The following HS2ST1 variants were observed in gnomAD, a reference collection of about 807,000 sequenced individuals.
HS2ST1 encodes the protein heparan sulfate 2-O-sulfotransferase 1.
HS2ST1 carries 18 observed loss-of-function variants against 42.9 expected under a neutral mutation model. The ratio of observed to expected loss-of-function variants is 0.42; its 90% CI spans 0.29 to 0.62. The LOEUF is 0.62. Ranked by LOEUF, HS2ST1 falls within the 20% of genes least tolerant of loss-of-function variation. The pLI is 0.21. For missense variants in HS2ST1, 334 were observed against 433.8 expected, an observed-to-expected ratio of 0.77 and a Z score of 2.04; for synonymous variants, 146 against 152.9, an observed-to-expected ratio of 0.95 and a Z score of 0.33.
chr1:86,915,147 C>T lies in HS2ST1; in HGVS notation c.111C>T (p.Ser37=), dbSNP rs1297776971. The part of the protein sequence containing the change: ...LENQIQKLEE[S]RSKLERAIAR... ...ACCAGATCCAGAAACTGGAGGAGTCCCGCTCGAAGCTAGGTGAGGAACTGA... is the reference window on the plus strand; with the variant it reads ...ACCAGATCCAGAAACTGGAGGAGTCTCGCTCGAAGCTAGGTGAGGAACTGA... Residue 37 remains serine, a synonymous_variant, in exon 1 of 7, where the codon TCC becomes TCT. Transcript: ENST00000370550. 1.9e-6 allele frequency: 3 copies of T among 1,613,542 alleles called. No homozygotes were observed. Among genetic ancestry groups the T allele is most frequent in the African/African-American group, 1.3e-5 (1 of 74,910 alleles).
intron 1 of HS2ST1, among the ~76,000 whole-genome samples, chr1:86,970,460 G>A (rs1216471782): frequency 6.6e-6 from 1 of 152,084 alleles, no homozygotes; most frequent in Non-Finnish European, 1.5e-5. Flanking sequence ...GAGTGCAGTG[G>A]CATGATCTCA....
Position 86,975,279 on chromosome 1 carries a change from CT to C in HS2ST1, c.124+60132del, listed in dbSNP as rs74502539. ...CAGTGTTTTAAAATTATAGCTTTTT[CT>C]TTTTTTTTTTTTAAGCTTTTCCTAT... On this transcript the variant is annotated intron_variant, in intron 1 of 6. Transcript: ENST00000370550. Among the ~76,000 whole-genome samples the C allele has an allele frequency of 4.0e-3, 561 of 138,710 alleles. 1 individual carries two copies. Among genetic ancestry groups the C allele is most frequent in the Non-Finnish European group, 4.7e-3 (296 of 63,070 alleles). The allele number at this position is 138,710 out of a possible 152,430, so 91.0% of individuals were successfully genotyped here.
chr1:87,084,157 T>G (rs1312449579), intron 2 of HS2ST1, 37 bp from the exon 3 acceptor site: 1 of 1,290,240 alleles, frequency 7.8e-7, no homozygotes, highest in East Asian at 2.5e-5. Flanking sequence ...TTCATTTTCT[T>G]TAAATTGTAT....
At chr1:86,962,006 G>A (rs1485245888) in intron 1 of HS2ST1, among the ~76,000 whole-genome samples, 3 of 151,888 alleles carry the variant, frequency 2.0e-5, no homozygotes, top group African/African-American at 7.3e-5. Context: ...ATCACTGATG[G>A]ACATCTGGTT....
Position 86,964,520 on chromosome 1 carries a change from C to T in HS2ST1, c.124+49360C>T, listed in dbSNP as rs926290454. Reference sequence around the variant, plus strand: ...AGGCGTGGCGGCACGCGCCTGCAATCGCAGGCACTGGGCAGGCTGAGGCAG... The same window carrying T: ...AGGCGTGGCGGCACGCGCCTGCAATTGCAGGCACTGGGCAGGCTGAGGCAG... On this transcript the variant is annotated intron_variant, in intron 1 of 6. Transcript: ENST00000370550. Among the ~76,000 whole-genome samples, 12 of 152,304 alleles carry T rather than the reference C, an allele frequency of 7.9e-5. No individual in the cohort carries two copies. In the East Asian group the frequency reaches 1.2e-3, roughly 15 times the overall value.
intron 1 of HS2ST1, among the ~76,000 whole-genome samples, chr1:86,943,960 A>T (rs1049705655): frequency 1.3e-5 from 2 of 151,834 alleles, no homozygotes; most frequent in African/African-American, 4.8e-5. Context: ...CAGGAGGTGG[A>T]GGTTTGCAGT....
At chr1:86,956,792 T>C (rs1647690163) in intron 1 of HS2ST1, among the ~76,000 whole-genome samples, 2 of 152,202 alleles carry the variant, frequency 1.3e-5, no homozygotes, top group African/African-American at 2.4e-5. Flanking sequence ...TAACTTACCC[T>C]GCATTTAGAG....
At chr1:87,073,980 A>T (rs1237494183) in intron 2 of HS2ST1, among the ~76,000 whole-genome samples, 1 of 152,214 alleles carries the variant, frequency 6.6e-6, no homozygotes, top group East Asian at 1.9e-4. Flanking sequence ...AATGATATTT[A>T]TCTGTTTGAA....
rs981659768 is a variant in HS2ST1, at chr1:87,105,020, T to A, written c.*324T>A. ...ACAATTTCAGAAAAGGTTCTGATACTCTTGTTTTTGATAAAGCATTTTTTC... is the reference window on the plus strand; with the variant it reads ...ACAATTTCAGAAAAGGTTCTGATACACTTGTTTTTGATAAAGCATTTTTTC... On this transcript the variant is annotated 3_prime_UTR_variant, in exon 7 of 7. Transcript: ENST00000370550. 4.3e-6 allele frequency: 1 copy of A among 230,276 alleles called. No individual in the cohort carries two copies. Among genetic ancestry groups the A allele is most frequent in the African/African-American group, 2.3e-5 (1 of 43,686 alleles). The allele number at this position is 230,276 out of a possible 1,614,324, so 14.3% of individuals were successfully genotyped here. A position where few individuals can be genotyped will look rare whatever the true frequency, so the allele number is the denominator to read the frequency against.
At chr1:87,090,940 CTA>C (rs1651925301) in intron 3 of HS2ST1, among the ~76,000 whole-genome samples, 1 of 152,018 alleles carries the variant, frequency 6.6e-6, no homozygotes, top group African/African-American at 2.4e-5. Context: ...TTACATAAGA[CTA>C]GTGATGTCTT....
intron 1 of HS2ST1, among the ~76,000 whole-genome samples, chr1:87,049,114 A>G (rs1650768871): frequency 6.6e-6 from 1 of 152,024 alleles, no homozygotes; most frequent in Admixed American, 6.5e-5. Flanking sequence ...AATAGATTTA[A>G]AAGGTTATTC....
At chr1:86,958,024 C>G (rs945078977) in intron 1 of HS2ST1, among the ~76,000 whole-genome samples, 5 of 152,058 alleles carry the variant, frequency 3.3e-5, no homozygotes, top group Non-Finnish European at 7.4e-5. Flanking sequence ...AACTCCTGAC[C>G]ACGGTGATCC....
intron 1 of HS2ST1, among the ~76,000 whole-genome samples, chr1:86,970,236 T>C (rs1282836347): frequency 6.6e-6 from 1 of 152,126 alleles, no homozygotes; most frequent in African/African-American, 2.4e-5. Context: ...ATTTTACAAG[T>C]AATAATGTAT....
intron 5 of HS2ST1, among the ~76,000 whole-genome samples, chr1:87,101,164 T>TG (rs1652195007): frequency 4.2e-5 from 5 of 118,214 alleles, no homozygotes; most frequent in African/African-American, 9.8e-5. Context: ...TTGTTTTTTT[T>TG]TTTTTTTTTT....
chr1:87,100,073 G>T (rs1034719060), intron 5 of HS2ST1, among the ~76,000 whole-genome samples: 1 of 152,170 alleles, frequency 6.6e-6, no homozygotes, highest in Admixed American at 6.5e-5. Context: ...CAGGCAAAGC[G>T]TGCAAGCCGA....
intron 1 of HS2ST1, among the ~76,000 whole-genome samples, chr1:87,008,508 T>G (rs1649504983): frequency 1.3e-5 from 2 of 152,254 alleles, no homozygotes; most frequent in African/African-American, 4.8e-5. Flanking sequence ...CTTAATTGCA[T>G]TTGCTTCAGT....
chr1:86,948,186 C>G (rs547444944), intron 1 of HS2ST1, among the ~76,000 whole-genome samples: 2 of 152,064 alleles, frequency 1.3e-5, no homozygotes, highest in South Asian at 4.2e-4. Flanking sequence ...AGAAACATCT[C>G]ACTATATATC....
intron 4 of HS2ST1, among the ~76,000 whole-genome samples, chr1:87,094,021 T>G (rs1652007575): frequency 1.3e-5 from 2 of 152,074 alleles, no homozygotes; most frequent in African/African-American, 4.8e-5. Flanking sequence ...ATTGTGGAGA[T>G]TCTGCGAAGT....
intron 1 of HS2ST1, among the ~76,000 whole-genome samples, chr1:87,028,143 AACTACTTT>A (rs1650134859): frequency 6.6e-6 from 1 of 152,250 alleles, no homozygotes; most frequent in Non-Finnish European, 1.5e-5. Context: ...AATAGAGGGT[AACTACTTT>A]AAGTAGACAA....
Sources: gnomAD v4.1 joint callset for allele counts (sites outside exome capture counted in the v4.1 genomes callset) on GRCh38, gnomAD v4.1.1 for gene constraint, MANE v1.5 for transcripts, NCBI Gene and HGNC (gene_info 2026-07-23, HGNC 2026-07-21) for gene names.